The following PLCB1 variants were observed in gnomAD, a reference collection of about 807,000 sequenced individuals.
The protein encoded by PLCB1 is phospholipase C beta 1, also known as 1-phosphatidylinositol 4,5-bisphosphate phosphodiesterase beta-1.
In PLCB1, 46 loss-of-function variants were observed where a neutral mutation model predicts 161.8. The ratio of observed to expected loss-of-function variants is 0.28; its 90% CI spans 0.22 to 0.36. PLCB1 has a LOEUF of 0.36. Ranked by LOEUF, PLCB1 falls within the 10% of genes least tolerant of loss-of-function variation. The pLI is 1.00. For synonymous variants in PLCB1, 517 were observed against 503.7 expected (o/e 1.03, Z -0.35); for missense variants, 1,016 against 1,472.5 (o/e 0.69, Z 5.07).
At chr20:8,339,341 A>G (rs1361930373) in intron 2 of PLCB1, among the ~76,000 whole-genome samples, 1 of 152,122 alleles carries the variant, frequency 6.6e-6, no homozygotes, top group Non-Finnish European at 1.5e-5. Context: ...CCACAGTCTT[A>G]TATATCACTG....
At chr20:8,256,465 G>A (rs897326039) in intron 2 of PLCB1, among the ~76,000 whole-genome samples, 1 of 152,054 alleles carries the variant, frequency 6.6e-6, no homozygotes, top group Admixed American at 6.6e-5. Flanking sequence ...GCAAAGACAG[G>A]GCTCCAAGAC....
intron 2 of PLCB1, among the ~76,000 whole-genome samples, chr20:8,155,751 C>T (rs961341975): frequency 2.0e-5 from 3 of 152,070 alleles, no homozygotes; most frequent in African/African-American, 7.2e-5. Context: ...ATAGGTCATT[C>T]AAGAGTCCAC....
intron 23 of PLCB1, among the ~76,000 whole-genome samples, chr20:8,748,324 C>T (rs1169690194): frequency 6.6e-6 from 1 of 152,122 alleles, no homozygotes; most frequent in Non-Finnish European, 1.5e-5. Flanking sequence ...AACAATTGCT[C>T]ATTATGGTAG....
intron 7 of PLCB1, 184 bp downstream of exon 7, chr20:8,649,633 A>G (rs572019383): frequency 6.5e-4 from 374 of 571,072 alleles, no homozygotes; most frequent in Middle Eastern, 2.4e-3. Flanking sequence ...CTTTATAAGA[A>G]GAGAAAAACA....
At chr20:8,724,844 TAGAG>T in intron 16 of PLCB1, 92 bp downstream of exon 16, 1 of 713,574 alleles carries the variant, frequency 1.4e-6, no homozygotes, top group Non-Finnish European at 2.4e-6. Context: ...TTACCCTTAA[TAGAG>T]AGATTTATGC....
intron 3 of PLCB1, among the ~76,000 whole-genome samples, chr20:8,412,336 G>A (rs1426746637): frequency 6.6e-6 from 1 of 152,152 alleles, no homozygotes; most frequent in Non-Finnish European, 1.5e-5. Context: ...CAAATCAGTG[G>A]GCAGAGATGT....
At chr20:8,617,061 A>G (rs1486200341) in intron 3 of PLCB1, among the ~76,000 whole-genome samples, 1 of 152,140 alleles carries the variant, frequency 6.6e-6, no homozygotes, top group Non-Finnish European at 1.5e-5. Flanking sequence ...CTAAAAATTG[A>G]TGCCAATAAG....
chr20:8,852,470 G>A (rs1223545068), intron 31 of PLCB1, among the ~76,000 whole-genome samples: 3 of 152,118 alleles, frequency 2.0e-5, no homozygotes, highest in Non-Finnish European at 2.9e-5. Flanking sequence ...GTGGAGGAAG[G>A]CAGAACTCCC....
chr20:8,413,546 G>A lies in PLCB1; in HGVS notation c.246+42096G>A, dbSNP rs577106176. Reference sequence around the variant, plus strand: ...ACATTTGAGATAGGCCAAGTATTCCGTTGAATTTGTTACAGATCTTGAAGT... The same window carrying A: ...ACATTTGAGATAGGCCAAGTATTCCATTGAATTTGTTACAGATCTTGAAGT... On this transcript the variant is annotated intron_variant, in intron 3 of 31. Transcript: ENST00000338037. Among the ~76,000 whole-genome samples, 36 of 152,272 alleles carry A rather than the reference G, an allele frequency of 2.4e-4. No homozygotes were observed. In the South Asian group the frequency reaches 2.5e-3, roughly 11 times the overall value.
At chr20:8,365,542 C>T (rs1986680809) in intron 2 of PLCB1, among the ~76,000 whole-genome samples, 1 of 152,136 alleles carries the variant, frequency 6.6e-6, no homozygotes, top group African/African-American at 2.4e-5. Flanking sequence ...ACAGATTTTT[C>T]ACCCCCTCAG....
chr20:8,788,769 T>C (rs1361940174), intron 29 of PLCB1, 47 bp downstream of exon 29: 1 of 1,261,846 alleles, frequency 7.9e-7, no homozygotes, highest in Non-Finnish European at 1.1e-6. Context: ...CTGGGAATTA[T>C]TTTATTTTGT....
At chr20:8,708,346 C>T (rs1048772517) in intron 11 of PLCB1, among the ~76,000 whole-genome samples, 5 of 151,994 alleles carry the variant, frequency 3.3e-5, no homozygotes, top group African/African-American at 1.2e-4. Flanking sequence ...AAAATTTTTG[C>T]CTTCTCTTAC....
At chr20:8,136,407 A>C (rs2051348052) in intron 1 of PLCB1, among the ~76,000 whole-genome samples, 1 of 152,178 alleles carries the variant, frequency 6.6e-6, no homozygotes, top group Admixed American at 6.5e-5. Context: ...CGGGCAGATC[A>C]CAAGACCAGG....
chr20:8,622,642 A>C (rs968779795), intron 3 of PLCB1, among the ~76,000 whole-genome samples: 2 of 152,174 alleles, frequency 1.3e-5, no homozygotes, highest in Non-Finnish European at 2.9e-5. Context: ...TCAGTTGCCC[A>C]AAATGGTAAA....
At chr20:8,156,650 A>C (rs2051566676) in intron 2 of PLCB1, among the ~76,000 whole-genome samples, 2 of 152,166 alleles carry the variant, frequency 1.3e-5, no homozygotes, top group African/African-American at 4.8e-5. Flanking sequence ...CCAGCTTTGA[A>C]GCTGTGACAG....
intron 2 of PLCB1, among the ~76,000 whole-genome samples, chr20:8,326,218 T>G (rs1256541611): frequency 1.3e-5 from 2 of 152,210 alleles, no homozygotes; most frequent in Admixed American, 1.3e-4. Flanking sequence ...TACTAAATAT[T>G]AATTCTCTGG....
chr20:8,780,461 T>A (rs1245622538), intron 27 of PLCB1, among the ~76,000 whole-genome samples: 6 of 152,204 alleles, frequency 3.9e-5, no homozygotes, highest in Admixed American at 3.3e-4. Flanking sequence ...TGCTTCACTT[T>A]GCTTTGCTTC....
intron 3 of PLCB1, among the ~76,000 whole-genome samples, chr20:8,536,259 A>T (rs1315585097): frequency 1.3e-5 from 2 of 151,934 alleles, no homozygotes; most frequent in Non-Finnish European, 2.9e-5. Context: ...AAGAAAGTTC[A>T]TGGATATACA....
chr20:8,580,184 G>A (rs78224447), intron 3 of PLCB1, among the ~76,000 whole-genome samples: 4,392 of 152,184 alleles, frequency 0.029, 221 homozygotes, highest in African/African-American at 0.1. Context: ...CAGTGTCAGC[G>A]AACTCCAAAC....
Sources: gnomAD v4.1 joint callset for allele counts (sites outside exome capture counted in the v4.1 genomes callset) on GRCh38, gnomAD v4.1.1 for gene constraint, MANE v1.5 for transcripts, NCBI Gene and HGNC (gene_info 2026-07-23, HGNC 2026-07-21) for gene names.